TARBP1: variants seen among roughly 807,000 people sequenced by gnomAD.
TARBP1 encodes tRNA (guanosine(18)-2'-O)-methyltransferase TARBP1.
Under a neutral mutation model 178.6 loss-of-function variants are expected in TARBP1, and 144 were observed. The ratio of observed to expected loss-of-function variants is 0.81; its 90% CI spans 0.70 to 0.93. The LOEUF is 0.93. Among genes scored for constraint, TARBP1 ranks in the 40% least tolerant of loss-of-function variants. The probability of loss-of-function intolerance (pLI) is 0.00; values close to 1 mark genes in which losing one functional copy is unlikely to be tolerated. For synonymous variants in TARBP1, 787 were observed against 781.0 expected (o/e 1.01, Z -0.13); for missense variants, 2,067 against 2,011.7 (o/e 1.03, Z -0.53).
At chr1:234,445,637 T>G (rs1316753255) in intron 12 of TARBP1, among the ~76,000 whole-genome samples, 5 of 152,126 alleles carry the variant, frequency 3.3e-5, no homozygotes, top group Non-Finnish European at 7.4e-5. Context: ...AAAAATATCT[T>G]CTTGAGGAAT....
chr1:234,469,818 A>G (rs766996188), intron 3 of TARBP1, among the ~76,000 whole-genome samples: 1 of 152,266 alleles, frequency 6.6e-6, no homozygotes, highest in Non-Finnish European at 1.5e-5. Context: ...TATAGTGATC[A>G]AGGGCTTATA....
At chr1:234,405,689 G>T (rs546002901) in intron 24 of TARBP1, among the ~76,000 whole-genome samples, 1 of 152,094 alleles carries the variant, frequency 6.6e-6, no homozygotes, top group Non-Finnish European at 1.5e-5. Flanking sequence ...AGGATAAAAG[G>T]GCAATAAGAG....
At chr1:234,448,294 C>T (rs1405306162) in intron 11 of TARBP1, among the ~76,000 whole-genome samples, 186 bp downstream of exon 11, 1 of 152,184 alleles carries the variant, frequency 6.6e-6, no homozygotes, top group Non-Finnish European at 1.5e-5. Flanking sequence ...TTTAAAAGCA[C>T]TAATATGCCC....
At chr1:234,419,906 T>A (rs1035782594) in intron 21 of TARBP1, among the ~76,000 whole-genome samples, 12 of 152,178 alleles carry the variant, frequency 7.9e-5, no homozygotes, top group Non-Finnish European at 1.8e-4. Context: ...CTCACAGATA[T>A]AAGACTTCAT....
chr1:234,413,423 G>C (rs572377986), intron 22 of TARBP1, among the ~76,000 whole-genome samples: 1 of 152,202 alleles, frequency 6.6e-6, no homozygotes, highest in Non-Finnish European at 1.5e-5. Flanking sequence ...GCAGTGAGCC[G>C]AGATTGTGCC....
chr1:234,468,377 T>C (rs1429080538), intron 3 of TARBP1, among the ~76,000 whole-genome samples: 4 of 152,046 alleles, frequency 2.6e-5, no homozygotes, highest in African/African-American at 9.7e-5. Context: ...CGAGAATCGC[T>C]TGAACCCTTG....
intron 26 of TARBP1, among the ~76,000 whole-genome samples, chr1:234,396,464 C>A (rs1659943191): frequency 6.6e-6 from 1 of 152,144 alleles, no homozygotes; most frequent in Non-Finnish European, 1.5e-5. Context: ...ACCCTCCGTC[C>A]CTCTCTTCAC....
At chr1:234,457,860 TTATCATTAGCTAAATCAAAAGAAAGCAAA>T (rs1367444007) in intron 8 of TARBP1, 104 bp from the exon 9 acceptor site, 18 of 690,844 alleles carry the variant, frequency 2.6e-5, no homozygotes, top group Admixed American at 6.3e-5. Flanking sequence ...TTAAAGTAGG[TTATCATTAGCTAAATCAAAAGAAAGCAAA>T]TATCATTAGC....
At chr1:234,461,222 C>A (rs1667821959) in intron 6 of TARBP1, among the ~76,000 whole-genome samples, 1 of 152,186 alleles carries the variant, frequency 6.6e-6, no homozygotes, top group Admixed American at 6.5e-5. Context: ...TAATTTAATT[C>A]CTAGTTTAGT....
chr1:234,446,821 C>G lies in TARBP1; in HGVS notation c.2116G>C (p.Gly706Arg), dbSNP rs761612437. 6.2e-7 allele frequency: 1 copy of G among 1,613,862 alleles called. No individual in the cohort carries two copies. Among genetic ancestry groups the G allele is most frequent in the South Asian group, 1.1e-5 (1 of 91,038 alleles). Residue 706 changes from glycine to arginine, a missense_variant, in exon 12 of 30, where the codon GGT (glycine) becomes CGT (arginine). Physicochemically the swap from Gly to Arg is moderately radical, Grantham distance 125. Coordinates refer to ENST00000040877, the MANE Select transcript of TARBP1 (RefSeq NM_005646.4). ...LKLLNTCRLKGSSAQDDEVST... is the reference protein window; with the variant it reads ...LKLLNTCRLKRSSAQDDEVST... ...TCCTCACCATCTTGGGCACTGGAAC[C>G]TTTCAACCTGCATGTGTTCAACAGC...
chr1:234,460,203 T>C (rs1020890695), intron 7 of TARBP1, 58 bp downstream of exon 7: 10 of 1,529,592 alleles, frequency 6.5e-6, no homozygotes, highest in Non-Finnish European at 7.9e-6. Flanking sequence ...AGAAAATATA[T>C]ATATTGATGG....
chr1:234,454,939 C>T (rs1265337676), intron 9 of TARBP1, among the ~76,000 whole-genome samples: 2 of 152,138 alleles, frequency 1.3e-5, no homozygotes, highest in Admixed American at 6.5e-5. Flanking sequence ...AAAAGGAAGG[C>T]AGAGGCAGAT....
intron 5 of TARBP1, among the ~76,000 whole-genome samples, chr1:234,464,955 A>G (rs955914883): frequency 2.6e-5 from 4 of 152,236 alleles, no homozygotes; most frequent in Admixed American, 2.0e-4. Flanking sequence ...GATGAATAAC[A>G]GCAGCCACTG....
intron 24 of TARBP1, 124 bp downstream of exon 24, chr1:234,405,779 C>T (rs1572224564): frequency 4.4e-6 from 4 of 910,376 alleles, no homozygotes; most frequent in Admixed American, 2.7e-5. Flanking sequence ...TCCAAGCCCT[C>T]GATGCTCCAG....
At chr1:234,436,929 C>T (rs112420084) in intron 13 of TARBP1, among the ~76,000 whole-genome samples, 11 of 152,280 alleles carry the variant, frequency 7.2e-5, no homozygotes, top group South Asian at 2.1e-4. Flanking sequence ...ACTCAGGGTC[C>T]GGTCTCAAAG....
Position 234,418,212 on chromosome 1 carries a change from C to T in TARBP1, c.3577G>A (p.Asp1193Asn). ...GTGAAACCAGCCTGGAAAATCCTGTCAATAATTCCATTCAAGAAATTCTGA... is the reference window on the plus strand; with the variant it reads ...GTGAAACCAGCCTGGAAAATCCTGTTAATAATTCCATTCAAGAAATTCTGA... ...LDQNFLNGII[D>N]RIFQAGFTNN... The change falls in exon 22 of 30, where the codon GAC (aspartate) becomes AAC (asparagine). Residue 1193 changes from aspartate to asparagine, a missense_variant. Coordinates refer to ENST00000040877, the MANE Select transcript of TARBP1 (RefSeq NM_005646.4). 1.3e-6 allele frequency: 2 copies of T among 1,552,780 alleles called. No homozygotes were observed. The highest frequency in any genetic ancestry group is 8.6e-7 in the Non-Finnish European group (1 of 1,162,064).
rs1659365570 is a variant in TARBP1, at chr1:234,391,561, C to G, written c.*16G>C. The G allele has an allele frequency of 6.3e-7, 1 of 1,584,994 alleles. No homozygotes were observed. The highest frequency in any genetic ancestry group is 8.6e-7 in the Non-Finnish European group (1 of 1,162,216). On this transcript the variant is annotated 3_prime_UTR_variant, in exon 30 of 30. Transcript: ENST00000040877. ...AAAAGTCTGAACAGCAGCAGCAGTT[C>G]ACTAAGGAAGGCACATCATGGCTTG...
At chr1:234,465,198 G>A (rs1668314457) in intron 5 of TARBP1, among the ~76,000 whole-genome samples, 1 of 152,178 alleles carries the variant, frequency 6.6e-6, no homozygotes, top group Admixed American at 6.5e-5. Context: ...CAACGATCAA[G>A]CAAATGCAGT....
intron 12 of TARBP1, among the ~76,000 whole-genome samples, chr1:234,440,922 A>G (rs978360422): frequency 1.3e-5 from 2 of 152,216 alleles, no homozygotes; most frequent in African/African-American, 4.8e-5. Flanking sequence ...GGTGGCTCAT[A>G]CCTGTAATCC....
Sources: gnomAD v4.1 joint callset for allele counts (sites outside exome capture counted in the v4.1 genomes callset) on GRCh38, gnomAD v4.1.1 for gene constraint, MANE v1.5 for transcripts, NCBI Gene and HGNC (gene_info 2026-07-23, HGNC 2026-07-21) for gene names.